PEAK1: variants seen among roughly 807,000 people sequenced by gnomAD.
PEAK1 encodes inactive tyrosine-protein kinase PEAK1.
In PEAK1, 54 loss-of-function variants were observed where a neutral mutation model predicts 124.7. That is an observed-to-expected ratio of 0.43 (90% CI 0.35 to 0.54). PEAK1 has a LOEUF of 0.54. PEAK1 is among the 20% of genes least tolerant of loss of function. The pLI, the probability that PEAK1 is intolerant of heterozygous loss-of-function variation, is 0.01. For synonymous variants in PEAK1, 719 were observed against 760.0 expected (o/e 0.95, Z 0.89); for missense variants, 2,046 against 2,134.5 (o/e 0.96, Z 0.82).
At chr15:77,322,485 A>G (rs1397620322) in intron 2 of PEAK1, among the ~76,000 whole-genome samples, 1 of 152,228 alleles carries the variant, frequency 6.6e-6, no homozygotes, top group African/African-American at 2.4e-5. Flanking sequence ...CTACCATCAG[A>G]GAATACTATA....
intron 1 of PEAK1, among the ~76,000 whole-genome samples, chr15:77,395,962 G>A (rs1233210354): frequency 6.6e-6 from 1 of 152,084 alleles, no homozygotes; most frequent in Non-Finnish European, 1.5e-5. Context: ...CTCATATCTT[G>A]AGTAGAAAGA....
At chr15:77,276,237 G>T (rs1597062933) in intron 5 of PEAK1, among the ~76,000 whole-genome samples, 1 of 152,244 alleles carries the variant, frequency 6.6e-6, no homozygotes, top group African/African-American at 2.4e-5. Flanking sequence ...GATTCAAGAA[G>T]ACAAGTAAAC....
At chr15:77,317,543 T>G (rs1318508618) in intron 2 of PEAK1, among the ~76,000 whole-genome samples, 1 of 152,168 alleles carries the variant, frequency 6.6e-6, no homozygotes. Flanking sequence ...GGAGACAACC[T>G]TTGGCCACAT....
chr15:77,140,514 T>C (rs2053690073), intron 8 of PEAK1, among the ~76,000 whole-genome samples: 1 of 152,040 alleles, frequency 6.6e-6, no homozygotes, highest in Non-Finnish European at 1.5e-5. Context: ...CCTTAATAGA[T>C]GCAGAAAAAA....
chr15:77,299,036 T>A (rs2063655316), intron 2 of PEAK1, among the ~76,000 whole-genome samples: 1 of 152,174 alleles, frequency 6.6e-6, no homozygotes, highest in Admixed American at 6.5e-5. Context: ...CTCCCACACT[T>A]GGCAATGCAA....
intron 6 of PEAK1, among the ~76,000 whole-genome samples, chr15:77,201,160 C>T (rs2058342001): frequency 6.6e-6 from 1 of 150,520 alleles, no homozygotes; most frequent in Non-Finnish European, 1.5e-5. Flanking sequence ...GGTTCTACCA[C>T]TCCATGTCTT....
intron 1 of PEAK1, among the ~76,000 whole-genome samples, chr15:77,371,709 G>C (rs1317627985): frequency 1.3e-5 from 2 of 152,186 alleles, no homozygotes; most frequent in Admixed American, 1.3e-4. Context: ...CCAACATGGT[G>C]AAATGCCGTC....
chr15:77,168,961 T>C (rs914674463), intron 7 of PEAK1, among the ~76,000 whole-genome samples: 1 of 152,204 alleles, frequency 6.6e-6, no homozygotes, highest in Non-Finnish European at 1.5e-5. Flanking sequence ...GTGGTAGATT[T>C]AGAAAGGTTA....
chr15:77,323,172 C>T (rs367962427), intron 2 of PEAK1, among the ~76,000 whole-genome samples: 13 of 152,086 alleles, frequency 8.5e-5, no homozygotes, highest in African/African-American at 1.9e-4. Context: ...CCACAGCCAA[C>T]ATCATACTGA....
In PEAK1 at chr15:77,413,608, T is replaced by C. The variant is rs147129503; in HGVS notation, c.-666+6398A>G. Among the ~76,000 whole-genome samples, 299 of 152,192 alleles carry C rather than the reference T, an allele frequency of 2.0e-3. 3 individuals are homozygous for C. Among genetic ancestry groups the C allele is most frequent in the Middle Eastern group, 0.01 (3 of 294 alleles). On this transcript the variant is annotated intron_variant, in intron 1 of 9. Transcript: ENST00000682557. The stretch of plus-strand genomic sequence containing the variant: ...GAAAAGACCAAGAAACTGCCACACA[T>C]TGGGAGAGACAAAGAAGACAACTAA...
intron 2 of PEAK1, chr15:77,332,371 G>T: frequency 1.8e-6 from 1 of 550,470 alleles, no homozygotes; most frequent in Non-Finnish European, 2.3e-6. Context: ...AGGCTGAGAG[G>T]GGCAGATCAC....
chr15:77,175,676 A>G (rs1042314097), intron 7 of PEAK1, among the ~76,000 whole-genome samples: 9 of 152,212 alleles, frequency 5.9e-5, no homozygotes, highest in African/African-American at 2.2e-4. Flanking sequence ...TAGTTCAACC[A>G]TTGTGGAAGT....
In PEAK1 at chr15:77,176,967, T is replaced by G. The variant is rs117309977; in HGVS notation, c.3137+1823A>C. Among the ~76,000 whole-genome samples, 1,143 of 152,214 alleles carry G rather than the reference T, an allele frequency of 7.5e-3. 40 individuals are homozygous for G. Among genetic ancestry groups the G allele is most frequent in the Admixed American group, 0.059 (895 of 15,276 alleles). On this transcript the variant is annotated intron_variant, in intron 7 of 9. Transcript: ENST00000682557. ...TAAATCAGGCACCTGAAATACATGT[T>G]TTTTTTTGAGATGGAGTTTCACTCT...
chr15:77,288,922 C>T (rs530864676), intron 2 of PEAK1, among the ~76,000 whole-genome samples: 333 of 127,722 alleles, frequency 2.6e-3, no homozygotes, highest in Admixed American at 3.6e-3. Flanking sequence ...AGCAAGACTC[C>T]GTCTCAAAAA....
At chr15:77,344,530 TG>T (rs768951768) in intron 2 of PEAK1, among the ~76,000 whole-genome samples, 23 of 152,264 alleles carry the variant, frequency 1.5e-4, no homozygotes, top group Non-Finnish European at 2.8e-4. Flanking sequence ...TTTTCAAGAT[TG>T]TTTTGGCTAT....
intron 2 of PEAK1, chr15:77,350,605 T>A (rs758073165): frequency 6.3e-4 from 605 of 955,664 alleles, no homozygotes; most frequent in Non-Finnish European, 7.3e-4. Flanking sequence ...TGTTAGAGAT[T>A]CAAGTAAAAA....
At chr15:77,366,647 C>T (rs1482181307) in intron 1 of PEAK1, among the ~76,000 whole-genome samples, 1 of 152,104 alleles carries the variant, frequency 6.6e-6, no homozygotes, top group Non-Finnish European at 1.5e-5. Flanking sequence ...CCTAGACCTC[C>T]CAGGCTCGAG....
chr15:77,181,349 G>A lies in PEAK1; in HGVS notation c.578C>T (p.Pro193Leu). ...TATCCCACCTATCATGCAACTTGGT[G>A]GAAGCTTTCTTTCCAATGATCGTTT... ...CYKRSLERKL[P>L]PSCMIGGIKE... is the part of the protein sequence containing the mutation. Residue 193 changes from proline to leucine, a missense_variant, in exon 7 of 10, where the codon CCA (proline) becomes CTA (leucine). Transcript: ENST00000682557. The A allele has an allele frequency of 6.2e-7, 1 of 1,614,086 alleles. No homozygotes were observed. The highest frequency in any genetic ancestry group is 1.1e-5 in the South Asian group (1 of 91,070).
chr15:77,169,577 T>C (rs1308774271), intron 7 of PEAK1, among the ~76,000 whole-genome samples: 2 of 151,884 alleles, frequency 1.3e-5, no homozygotes, highest in Non-Finnish European at 2.9e-5. Flanking sequence ...ACCCAGAAGG[T>C]AGGAGTAAAA....
Sources: allele counts gnomAD v4.1 joint callset (sites outside exome capture counted in the v4.1 genomes callset), GRCh38; gene constraint gnomAD v4.1.1; transcripts MANE v1.5; gene names NCBI Gene and HGNC (gene_info 2026-07-23, HGNC 2026-07-21).